SPATA22: variants seen among roughly 807,000 people sequenced by gnomAD.
The protein encoded by SPATA22 is spermatogenesis associated 22.
Under a neutral mutation model 47.8 loss-of-function variants are expected in SPATA22, and 29 were observed. That is an observed-to-expected ratio of 0.61 (90% CI 0.45 to 0.83). The LOEUF is 0.83. SPATA22 is among the 40% of genes least tolerant of loss of function. The pLI, the probability that SPATA22 is intolerant of heterozygous loss-of-function variation, is 0.00. For synonymous variants in SPATA22, 133 were observed against 140.9 expected (o/e 0.94, Z 0.40); for missense variants, 410 against 421.7 (o/e 0.97, Z 0.24).
At chr17:3,471,430 C>G in intron 1 of SPATA22, 4 of 985,360 alleles carry the variant, frequency 4.1e-6, no homozygotes, top group Non-Finnish European at 4.8e-6. Context: ...CCCTCATTTA[C>G]CCCCAATCCC....
Position 3,492,360 on chromosome 17 carries a change from G to A in SPATA22, c.-74+21052C>T, listed in dbSNP as rs2073839455. Reference sequence around the variant, plus strand: ...GTAAGTAGCAAAAACATACTCCTTTGTGTTCTATCAGTTTTTACTTTCTTC... The same window carrying A: ...GTAAGTAGCAAAAACATACTCCTTTATGTTCTATCAGTTTTTACTTTCTTC... On this transcript the variant is annotated intron_variant, in intron 1 of 8. Coordinates refer to the SPATA22 transcript ENST00000541913. Among the ~76,000 whole-genome samples the A allele has an allele frequency of 7.2e-5, 11 of 152,280 alleles. No homozygotes were observed. In the South Asian group the frequency reaches 2.3e-3, roughly 32 times the overall value.
intron 1 of SPATA22, chr17:3,513,402 T>C (rs965316066): frequency 1.3e-5 from 2 of 153,382 alleles, no homozygotes; most frequent in Non-Finnish European, 2.9e-5. Flanking sequence ...CCCCAGGATA[T>C]CCAGCTTACC....
chr17:3,491,877 CT>C lies in SPATA22; in HGVS notation c.-74+21534del, dbSNP rs540965896. ...GACAGAAATTTTTTTCTTTTGTTTT[CT>C]TTTTTTTTTTTTTTTTTGAGACAGG... On this transcript the variant is annotated intron_variant, in intron 1 of 8. Transcript: ENST00000541913. Among the ~76,000 whole-genome samples, 320 of 123,034 alleles carry C rather than the reference CT, an allele frequency of 2.6e-3. 1 individual carries two copies. The highest frequency in any genetic ancestry group is 4.9e-3 in the Middle Eastern group (1 of 204). 80.7% of individuals were successfully genotyped at this position (123,034 alleles called of 152,430 possible). A position where few individuals can be genotyped will look rare whatever the true frequency, so the allele number is the denominator to read the frequency against.
intron 8 of SPATA22, among the ~76,000 whole-genome samples, chr17:3,442,306 ATT>A (rs2072616015): frequency 6.6e-6 from 1 of 151,994 alleles, no homozygotes; most frequent in African/African-American, 2.4e-5. Flanking sequence ...CGAAGTAGGA[ATT>A]TGTCTCCCCA....
chr17:3,504,241 C>G (rs2074020670), intron 1 of SPATA22, among the ~76,000 whole-genome samples: 1 of 152,162 alleles, frequency 6.6e-6, no homozygotes. Context: ...TCCTTCTATC[C>G]CATCTTGAGG....
intron 1 of SPATA22, chr17:3,471,394 G>A (rs1030815124): frequency 1.0e-5 from 10 of 980,798 alleles, no homozygotes; most frequent in Admixed American, 6.1e-5. Context: ...TTCCACCCGC[G>A]GGACCATTGA....
upstream of SPATA22, chr17:3,471,860 C>T (rs975948407): frequency 2.0e-5 from 20 of 985,412 alleles, no homozygotes; most frequent in Non-Finnish European, 2.2e-5. Flanking sequence ...GGCGCAGTGG[C>T]CGCCACCTCG....
intron 5 of SPATA22, among the ~76,000 whole-genome samples, chr17:3,452,196 A>G (rs2072877784): frequency 1.3e-5 from 2 of 151,826 alleles, no homozygotes; most frequent in Admixed American, 1.3e-4. Flanking sequence ...TTCACACTTA[A>G]AGAAATTAGA....
At chr17:3,489,105 T>C (rs575664981) in intron 1 of SPATA22, 120 of 622,114 alleles carry the variant, frequency 1.9e-4, no homozygotes, top group African/African-American at 1.9e-3. Flanking sequence ...ATATTTTCCA[T>C]GATGCTACAT....
In SPATA22 at chr17:3,446,477, A is replaced by G. The variant is rs771663424; in HGVS notation, c.797T>C (p.Val266Ala). The G allele has an allele frequency of 3.5e-5, 56 of 1,605,272 alleles. No homozygotes were observed. The highest frequency in any genetic ancestry group is 4.7e-5 in the Non-Finnish European group (55 of 1,177,200). The change falls in exon 7 of 9, where the codon GTA (valine) becomes GCA (alanine). Residue 266 changes from valine (V) to alanine (A), a missense_variant. By Grantham distance (64) the Val-to-Ala change is moderately conservative. Transcript: ENST00000572969. ...TTTTAAAGTATTTTACCTACCTAAT[A>G]CTTCAAAAAGAAGTACAGTTTTCTG... Reference protein sequence around the residue: ...HAQKTVLLFEVLAVLDSAVTP... With the variant: ...HAQKTVLLFEALAVLDSAVTP...
At chr17:3,452,584 C>T (rs562104281) in intron 5 of SPATA22, among the ~76,000 whole-genome samples, 5 of 150,738 alleles carry the variant, frequency 3.3e-5, no homozygotes, top group South Asian at 2.1e-4. Context: ...AGTGAGACTC[C>T]GTCTCAAAAA....
At position 3,462,718 on chromosome 17, in the gene SPATA22, T is replaced by C; in HGVS notation, c.222A>G (p.Thr74=). The C allele has an allele frequency of 6.2e-7, 1 of 1,613,174 alleles. No homozygotes were observed. Among genetic ancestry groups the C allele is most frequent in the Non-Finnish European group, 8.5e-7 (1 of 1,179,110 alleles). Reference sequence around the variant, plus strand: ...ATTTCTCCACATACCCGGTGTCCACTGTTTTCATTACAGGAGCCAACTCTG... The same window carrying C: ...ATTTCTCCACATACCCGGTGTCCACCGTTTTCATTACAGGAGCCAACTCTG... ...VNPELAPVMK[T]VDTGQIPHSV... Residue 74 remains threonine, a synonymous_variant, in exon 4 of 9, where the codon ACA becomes ACG. Coordinates refer to ENST00000572969, the MANE Select transcript of SPATA22 (RefSeq NM_001170698.2).
intron 5 of SPATA22, among the ~76,000 whole-genome samples, chr17:3,458,770 G>A (rs2073052172): frequency 2.0e-5 from 3 of 149,122 alleles, no homozygotes; most frequent in Non-Finnish European, 4.4e-5. Flanking sequence ...GATCCCAGGA[G>A]GTGGAGGTTG....
chr17:3,478,716 G>A (rs1259454752), intron 1 of SPATA22, among the ~76,000 whole-genome samples: 1 of 152,070 alleles, frequency 6.6e-6, no homozygotes, highest in Non-Finnish European at 1.5e-5. Flanking sequence ...TTCCCAGCGT[G>A]GTTGAAAAAT....
intron 3 of SPATA22, among the ~76,000 whole-genome samples, chr17:3,466,205 T>C (rs953272602): frequency 2.0e-5 from 3 of 150,780 alleles, no homozygotes; most frequent in Non-Finnish European, 4.4e-5. Flanking sequence ...CAAGTATTGC[T>C]ACATCAGAGA....
chr17:3,508,827 C>T (rs2074068855), intron 1 of SPATA22, among the ~76,000 whole-genome samples: 1 of 147,462 alleles, frequency 6.8e-6, no homozygotes, highest in Non-Finnish European at 1.5e-5. Context: ...GTGCAGCGCA[C>T]CAGCATGGCA....
Position 3,449,135 on chromosome 17 carries a change from T to G in SPATA22, c.344A>C (p.Asn115Thr), listed in dbSNP as rs1386501235. 14 of 1,604,264 alleles carry G rather than the reference T, an allele frequency of 8.7e-6. No homozygotes were observed. The Admixed American group carries it at 2.2e-4, about 26-fold the overall frequency. Residue 115 changes from asparagine (N) to threonine (T), a missense_variant, in exon 6 of 9, where the codon AAC becomes ACC. Transcript: ENST00000572969. ...CCAAGTTTTCAAGCTGGTATTTTTG[T>G]TACCATCTCTGTAGCTGTAATAGTG... ...SQGGWSYRDG[N>T]KNTSLKTWNK...
chr17:3,459,065 T>C (rs1381730273), intron 5 of SPATA22, among the ~76,000 whole-genome samples: 3 of 101,706 alleles, frequency 2.9e-5, no homozygotes. Context: ...GTGTGGGATC[T>C]TTACAAATCA....
At position 3,480,963 on chromosome 17, in the gene SPATA22, TAAG is replaced by T. The variant is rs200109057; in HGVS notation, c.-73-11568_-73-11566del. ...AGCAAGACTGTATCTCCACAAAAGA[TAAG>T]AAGATTAGCTGGGCATGGTGGCACG... On this transcript the variant is annotated intron_variant, in intron 1 of 8. Coordinates refer to the SPATA22 transcript ENST00000541913. 7.2e-4 allele frequency among the ~76,000 whole-genome samples: 109 copies of T among 151,912 alleles called. 1 individual carries two copies. The highest frequency in any genetic ancestry group is 2.6e-3 in the African/African-American group (106 of 41,428).
Sources: allele counts gnomAD v4.1 joint callset (sites outside exome capture counted in the v4.1 genomes callset), GRCh38; gene constraint gnomAD v4.1.1; transcripts MANE v1.5; gene names NCBI Gene and HGNC (gene_info 2026-07-23, HGNC 2026-07-21).